Variants in PLXNA1 observed in about 807,000 individuals in gnomAD.
The protein encoded by PLXNA1 is plexin-A1.
PLXNA1 carries 77 observed loss-of-function variants against 191.7 expected under a neutral mutation model. The observed-to-expected ratio is 0.40, with a 90% confidence interval of 0.33 to 0.49. The LOEUF (loss-of-function observed/expected upper bound fraction) is 0.49, where lower values mean the gene tolerates loss of function less well. PLXNA1 is among the 20% of genes least tolerant of loss of function. The pLI, the probability that PLXNA1 is intolerant of heterozygous loss-of-function variation, is 0.63. For missense variants in PLXNA1, 2,110 were observed against 2,660.2 expected, an observed-to-expected ratio of 0.79 and a Z score of 4.55; for synonymous variants, 1,137 against 1,156.4, an observed-to-expected ratio of 0.98 and a Z score of 0.34.
At chr3:126,990,809 T>C (rs748022653) in intron 2 of PLXNA1, among the ~76,000 whole-genome samples, 1 of 152,210 alleles carries the variant, frequency 6.6e-6, no homozygotes, top group Non-Finnish European at 1.5e-5. Flanking sequence ...ACGTGTTTTC[T>C]CTGCACCATA....
intron 23 of PLXNA1, chr3:127,026,578 G>A (rs902256457): frequency 2.6e-5 from 4 of 152,208 alleles, no homozygotes; most frequent in Admixed American, 6.5e-5. Context: ...CCTCCTTCGT[G>A]GCTAACTTAA....
At chr3:127,032,314 G>C in intron 29 of PLXNA1, 73 bp from the exon 30 acceptor site, 1 of 1,467,068 alleles carries the variant, frequency 6.8e-7, no homozygotes, top group Non-Finnish European at 9.3e-7. Flanking sequence ...ATTCGGAGCT[G>C]GGAGGGCCAC....
intron 23 of PLXNA1, among the ~76,000 whole-genome samples, chr3:127,025,759 A>G (rs1031504485): frequency 8.5e-5 from 13 of 152,250 alleles, no homozygotes; most frequent in Non-Finnish European, 1.5e-4. Flanking sequence ...CCAGGTGTCC[A>G]TCGACAGATG....
chr3:126,985,725 G>A (rs1311872327), intron 1 of PLXNA1, among the ~76,000 whole-genome samples: 1 of 152,248 alleles, frequency 6.6e-6, no homozygotes, highest in Non-Finnish European at 1.5e-5. Context: ...TATGAGAGTT[G>A]AGCCCTGCAG....
intron 8 of PLXNA1, among the ~76,000 whole-genome samples, chr3:127,007,220 G>C (rs1371396860): frequency 6.6e-6 from 1 of 152,166 alleles, no homozygotes; most frequent in Non-Finnish European, 1.5e-5. Context: ...GAGATGGCAA[G>C]GTGCCAGCCC....
intron 1 of PLXNA1, among the ~76,000 whole-genome samples, chr3:126,987,036 C>T (rs2078962471): frequency 6.6e-6 from 1 of 152,220 alleles, no homozygotes; most frequent in African/African-American, 2.4e-5. Flanking sequence ...GGGTGAGAGG[C>T]CCCAGCACAT....
intron 3 of PLXNA1, among the ~76,000 whole-genome samples, chr3:126,993,729 G>A (rs896393266): frequency 4.6e-5 from 7 of 152,332 alleles, no homozygotes; most frequent in Non-Finnish European, 8.8e-5. Flanking sequence ...GTCTGCAGTC[G>A]GGGACTTGGG....
Position 127,028,483 on chromosome 3 carries a change from CTGTCCAGTCCCAGGT to C in PLXNA1, c.4669+146_4669+160del, listed in dbSNP as rs2079188357. On this transcript the variant is annotated intron_variant, in intron 25 of 31. Transcript: ENST00000393409. Reference sequence around the variant, plus strand: ...GGAGGGCAGTGGAATGGCGAGTGGGCTGTCCAGTCCCAGGTTGGGTATAGAGGGTGGCTGCCCTGC... The same window carrying C: ...GGAGGGCAGTGGAATGGCGAGTGGGCTGGGTATAGAGGGTGGCTGCCCTGC... 1.7e-5 allele frequency: 16 copies of C among 920,988 alleles called. No homozygotes were observed. The South Asian group carries it at 2.8e-4, about 16-fold the overall frequency. 57.1% of individuals were successfully genotyped at this position (920,988 alleles called of 1,614,324 possible).
At chr3:127,014,654 G>A (rs779064593) in intron 13 of PLXNA1, 25 bp downstream of exon 13, 5 of 1,611,712 alleles carry the variant, frequency 3.1e-6, no homozygotes, top group Middle Eastern at 1.6e-4. Flanking sequence ...GGGTGTGTGC[G>A]GGGCGGGACG....
chr3:127,030,343 TC>T lies in PLXNA1; in HGVS notation c.5164del (p.Leu1722TrpfsTer30). 1 of 1,613,986 alleles carries T rather than the reference TC, an allele frequency of 6.2e-7. No individual in the cohort carries two copies. ...LPLAIKYMFDFLDEQADKHQI... is the reference protein window; with the variant it reads ...LPLAIKYMFDXLDEQADKHQI... The stretch of plus-strand genomic sequence containing the variant: ...CTGGCCATCAAGTACATGTTCGACT[TC>T]CTGGATGAGCAGGCCGACAAGCACC... On this transcript the variant is annotated frameshift_variant, in exon 29 of 32. Coordinates refer to ENST00000393409, the MANE Select transcript of PLXNA1 (RefSeq NM_032242.4). LOFTEE classifies it high-confidence loss of function.
At position 127,034,224 on chromosome 3, in the gene PLXNA1, G is replaced by A. The variant is rs187347863; in HGVS notation, c.*207G>A. The stretch of plus-strand genomic sequence containing the variant: ...ATGGTACCTGCCACACCACAGCTGC[G>A]CACACAGCTGCTTGCTCAGGGGCCG... On this transcript the variant is annotated 3_prime_UTR_variant, in exon 32 of 32. Coordinates refer to ENST00000393409, the MANE Select transcript of PLXNA1 (RefSeq NM_032242.4). 356 of 525,786 alleles carry A rather than the reference G, an allele frequency of 6.8e-4. 1 individual carries two copies. Among genetic ancestry groups the A allele is most frequent in the Non-Finnish European group, 8.1e-4 (237 of 293,758 alleles). 32.6% of individuals were successfully genotyped at this position (525,786 alleles called of 1,614,324 possible).
At chr3:127,021,486 G>A (rs1051666611) in intron 21 of PLXNA1, among the ~76,000 whole-genome samples, 3 of 152,168 alleles carry the variant, frequency 2.0e-5, no homozygotes, top group Non-Finnish European at 4.4e-5. Context: ...AGCCAGCTAT[G>A]CCTCTACTCC....
rs1002482430 is a variant in PLXNA1, at chr3:126,989,863, G to A, written c.1194+76G>A. 17 of 1,219,010 alleles carry A rather than the reference G, an allele frequency of 1.4e-5. No individual in the cohort carries two copies. The South Asian group carries it at 1.5e-4, about 11-fold the overall frequency. 75.5% of individuals were successfully genotyped at this position (1,219,010 alleles called of 1,614,324 possible). On this transcript the variant is annotated intron_variant, in intron 2 of 31. Transcript: ENST00000393409. ...ACGACGGCATCGGTGTCAGATGCAC[G>A]CCCAGTGGTGCCTGCTGTGTGCCTG...
Position 127,030,278 on chromosome 3 carries a change from G to A in PLXNA1, c.5097G>A (p.Glu1699=), listed in dbSNP as rs780022051. ...AGAAGTTTGTGGACGACCTGTTTGA[G>A]ACCATCTTCAGCACGGCACACCGGG... ...TLQKFVDDLF[E]TIFSTAHRGS... The change falls in exon 29 of 32, where the codon GAG becomes GAA. Residue 1699 remains glutamate (E), a synonymous_variant. Transcript: ENST00000393409. 5 of 1,613,880 alleles carry A rather than the reference G, an allele frequency of 3.1e-6. No homozygotes were observed. Among genetic ancestry groups the A allele is most frequent in the Non-Finnish European group, 3.4e-6 (4 of 1,180,004 alleles).
chr3:127,005,933 G>A lies in PLXNA1; in HGVS notation c.1898-146G>A, dbSNP rs2079066529. On this transcript the variant is annotated intron_variant, in intron 7 of 31. Coordinates refer to ENST00000393409, the MANE Select transcript of PLXNA1 (RefSeq NM_032242.4). Reference sequence around the variant, plus strand: ...CAGATCCCAGGCCCTGGTCACCTGGGGGCTGAGGGGGCTGGATGCGTGTTT... The same window carrying A: ...CAGATCCCAGGCCCTGGTCACCTGGAGGCTGAGGGGGCTGGATGCGTGTTT... The A allele has an allele frequency of 1.3e-5, 9 of 702,160 alleles. 1 individual carries two copies. In the South Asian group the frequency reaches 1.4e-4, roughly 11 times the overall value. 43.5% of individuals were successfully genotyped at this position (702,160 alleles called of 1,614,324 possible). A position where few individuals can be genotyped will look rare whatever the true frequency, so the allele number is the denominator to read the frequency against.
intron 9 of PLXNA1, among the ~76,000 whole-genome samples, chr3:127,009,036 G>C (rs1404545033): frequency 6.6e-6 from 1 of 152,172 alleles, no homozygotes; most frequent in African/African-American, 2.4e-5. Flanking sequence ...GGTGTGGGCA[G>C]AGCCCACGGT....
intron 17 of PLXNA1, 91 bp from the exon 18 acceptor site, chr3:127,017,334 G>C (rs1333308492): frequency 4.0e-6 from 6 of 1,506,132 alleles, no homozygotes; most frequent in Non-Finnish European, 8.9e-7. Flanking sequence ...TGTGCAGGGA[G>C]CAGGCAGCCC....
At chr3:127,032,015 G>T in intron 29 of PLXNA1, 1 of 231,606 alleles carries the variant, frequency 4.3e-6, no homozygotes. Context: ...CCCCTGGGCC[G>T]GAGCTGAGCT....
chr3:126,987,922 G>C (rs1407321308), intron 1 of PLXNA1, among the ~76,000 whole-genome samples: 1 of 152,154 alleles, frequency 6.6e-6, no homozygotes, highest in African/African-American at 2.4e-5. Flanking sequence ...ACTGCTGCCT[G>C]TGTGGCCTGG....
Sources: allele counts gnomAD v4.1 joint callset (sites outside exome capture counted in the v4.1 genomes callset), GRCh38; gene constraint gnomAD v4.1.1; transcripts MANE v1.5; gene names NCBI Gene and HGNC (gene_info 2026-07-23, HGNC 2026-07-21).